GRID2: variants seen among roughly 807,000 people sequenced by gnomAD.
GRID2 encodes the protein glutamate ionotropic receptor delta type subunit 2.
A neutral mutation model predicts 114.8 loss-of-function variants in GRID2; 33 were observed. The observed-to-expected ratio is 0.29, with a 90% CI of 0.22 to 0.38. The LOEUF is 0.38. Among genes scored for constraint, GRID2 ranks in the 10% least tolerant of loss-of-function variants. The pLI, the probability that GRID2 is intolerant of heterozygous loss-of-function variation, is 1.00. For missense variants in GRID2, 1,184 were observed against 1,257.7 expected (o/e 0.94, Z 0.89); for synonymous variants, 505 against 449.9 (o/e 1.12, Z -1.55).
intron 8 of GRID2, among the ~76,000 whole-genome samples, chr4:93,287,773 T>TG (rs1753336341): frequency 6.6e-6 from 1 of 152,208 alleles, no homozygotes; most frequent in South Asian, 2.1e-4. Context: ...GCATGTTCAC[T>TG]ATATTCACTT....
chr4:92,909,294 A>C (rs1445173071), intron 2 of GRID2, among the ~76,000 whole-genome samples: 1 of 151,870 alleles, frequency 6.6e-6, no homozygotes, highest in Non-Finnish European at 1.5e-5. Flanking sequence ...GCTTTAGCAA[A>C]CCAAAACTTG....
chr4:93,487,792 C>T (rs1726562955), intron 11 of GRID2, among the ~76,000 whole-genome samples: 1 of 151,876 alleles, frequency 6.6e-6, no homozygotes, highest in South Asian at 2.1e-4. Flanking sequence ...GCCTCTTTAG[C>T]TCTGAAAACA....
chr4:93,412,603 T>C (rs911261380), intron 9 of GRID2, among the ~76,000 whole-genome samples: 4 of 152,232 alleles, frequency 2.6e-5, no homozygotes, highest in Non-Finnish European at 5.9e-5. Context: ...TATTTTACTT[T>C]AAGTTCCAGG....
At chr4:93,530,151 T>A (rs1731301702) in intron 13 of GRID2, among the ~76,000 whole-genome samples, 1 of 152,142 alleles carries the variant, frequency 6.6e-6, no homozygotes, top group Admixed American at 6.6e-5. Flanking sequence ...ATGTCATTAT[T>A]ACCATCCTCC....
intron 4 of GRID2, among the ~76,000 whole-genome samples, chr4:93,115,969 G>C (rs1445614261): frequency 1.3e-5 from 2 of 151,934 alleles, no homozygotes; most frequent in Non-Finnish European, 2.9e-5. Flanking sequence ...TAACTTTTTT[G>C]TTTTAATTTT....
chr4:93,118,588 T>C (rs1170008996), intron 4 of GRID2, among the ~76,000 whole-genome samples: 1 of 152,196 alleles, frequency 6.6e-6, no homozygotes, highest in African/African-American at 2.4e-5. Flanking sequence ...CTCTGCAGAT[T>C]GTAGAGGACA....
intron 14 of GRID2, among the ~76,000 whole-genome samples, chr4:93,764,494 T>C (rs1733470439): frequency 6.6e-6 from 1 of 152,154 alleles, no homozygotes; most frequent in Non-Finnish European, 1.5e-5. Flanking sequence ...AGTCTAGCTT[T>C]AGAGTTGCAA....
chr4:93,352,878 T>G (rs1175135778), intron 8 of GRID2, among the ~76,000 whole-genome samples: 1 of 152,012 alleles, frequency 6.6e-6, no homozygotes, highest in Admixed American at 6.6e-5. Context: ...ATTTCAGTCT[T>G]GCCTCCTTAA....
intron 14 of GRID2, among the ~76,000 whole-genome samples, chr4:93,745,849 T>A (rs1320522114): frequency 1.3e-5 from 2 of 152,216 alleles, no homozygotes; most frequent in African/African-American, 4.8e-5. Context: ...TGTTTTATTT[T>A]GACTTTGTGC....
intron 8 of GRID2, among the ~76,000 whole-genome samples, chr4:93,316,200 T>C (rs1394459930): frequency 6.6e-6 from 1 of 151,400 alleles, no homozygotes; most frequent in Non-Finnish European, 1.5e-5. Context: ...ATTCCCTTTT[T>C]ACAGTTGTAG....
At chr4:92,351,525 C>T (rs1453301837) in intron 1 of GRID2, among the ~76,000 whole-genome samples, 2 of 151,786 alleles carry the variant, frequency 1.3e-5, no homozygotes, top group Non-Finnish European at 2.9e-5. Flanking sequence ...AACATCCTCT[C>T]TTCTAGCTAC....
chr4:93,249,852 C>T (rs1326003544), intron 8 of GRID2, among the ~76,000 whole-genome samples: 2 of 151,840 alleles, frequency 1.3e-5, no homozygotes, highest in African/African-American at 4.8e-5. Flanking sequence ...AAAACGGATG[C>T]TGGAGAGGAT....
chr4:93,390,698 T>C (rs1412211097), intron 8 of GRID2, among the ~76,000 whole-genome samples: 2 of 152,154 alleles, frequency 1.3e-5, no homozygotes, highest in African/African-American at 4.8e-5. Context: ...AAAAATAGGA[T>C]ATCATTAAAT....
chr4:92,325,060 G>C (rs1445350860), intron 1 of GRID2, among the ~76,000 whole-genome samples: 1 of 151,752 alleles, frequency 6.6e-6, no homozygotes, highest in Admixed American at 6.6e-5. Flanking sequence ...TATATATACA[G>C]TATATGATTA....
rs537995684 is a variant in GRID2, at chr4:93,382,583, A to G, written c.1246-13024A>G. Among the ~76,000 whole-genome samples the G allele has an allele frequency of 4.0e-5, 6 of 151,470 alleles. No individual in the cohort carries two copies. The East Asian group carries it at 9.7e-4, about 25-fold the overall frequency. Reference sequence around the variant, plus strand: ...GCTACAAAATTTCTTTCTACTTTTAAGTTTTCTATCTCTTTATGGACGTTT... The same window carrying G: ...GCTACAAAATTTCTTTCTACTTTTAGGTTTTCTATCTCTTTATGGACGTTT... On this transcript the variant is annotated intron_variant, in intron 8 of 15. Transcript: ENST00000282020.
At chr4:92,685,118 A>C (rs2149287830) in intron 2 of GRID2, among the ~76,000 whole-genome samples, 1 of 152,242 alleles carries the variant, frequency 6.6e-6, no homozygotes, top group African/African-American at 2.4e-5. Flanking sequence ...GCTATTAAAT[A>C]GATTAATGAA....
At chr4:93,285,132 TA>T (rs1753012363) in intron 8 of GRID2, among the ~76,000 whole-genome samples, 1 of 150,900 alleles carries the variant, frequency 6.6e-6, no homozygotes, top group Admixed American at 6.7e-5. Context: ...TTATATCCAA[TA>T]GGTAATACCT....
chr4:93,317,986 AATATAT>A (rs58755199), intron 8 of GRID2, among the ~76,000 whole-genome samples: 4,612 of 100,812 alleles, frequency 0.046, 221 homozygotes, highest in African/African-American at 0.079. Flanking sequence ...TTAAAAGTGA[AATATAT>A]ATATATATAT....
chr4:93,313,728 G>T (rs1756267274), intron 8 of GRID2, among the ~76,000 whole-genome samples: 1 of 152,130 alleles, frequency 6.6e-6, no homozygotes, highest in Admixed American at 6.6e-5. Context: ...ATGATAATCA[G>T]TTATGAGATG....
Sources: gnomAD v4.1 joint callset for allele counts (sites outside exome capture counted in the v4.1 genomes callset) on GRCh38, gnomAD v4.1.1 for gene constraint, MANE v1.5 for transcripts, NCBI Gene and HGNC (gene_info 2026-07-23, HGNC 2026-07-21) for gene names.